Variants in ADAMTS20 observed in about 807,000 individuals in gnomAD.
The protein encoded by ADAMTS20 is ADAM metallopeptidase with thrombospondin type 1 motif 20.
A neutral mutation model predicts 260.1 loss-of-function variants in ADAMTS20; 225 were observed. The ratio of observed to expected loss-of-function variants is 0.87; its 90% CI spans 0.78 to 0.97. ADAMTS20 has a LOEUF of 0.97. Among genes scored for constraint, ADAMTS20 ranks in the 50% least tolerant of loss-of-function variants. ADAMTS20 has a pLI of 0.00. For synonymous variants in ADAMTS20, 802 were observed against 769.5 expected (o/e 1.04, Z -0.70); for missense variants, 2,400 against 2,337.7 (o/e 1.03, Z -0.55).
chr12:43,551,254 T>G lies in ADAMTS20; in HGVS notation c.108A>C (p.Thr36=). Residue 36 remains threonine, a synonymous_variant, in exon 2 of 39, where the codon ACA becomes ACC. Transcript: ENST00000389420. This position sits in a 1 kb window ranked among gnomAD's most constrained non-coding sequence, Gnocchi z 4.6. Reference sequence around the variant, plus strand: ...GGATCACTACTTCGTAGGAGGTCAGTGTCCTCACCAGGGCTTCTGCAACAA... The same window carrying G: ...GGATCACTACTTCGTAGGAGGTCAGGGTCCTCACCAGGGCTTCTGCAACAA... ...FHPRQEALVR[T]LTSYEVVIPE... is the part of the protein sequence containing the mutation. 1.2e-6 allele frequency: 2 copies of G among 1,613,108 alleles called. No individual in the cohort carries two copies. The highest frequency in any genetic ancestry group is 1.7e-6 in the Non-Finnish European group (2 of 1,179,334).
intron 27 of ADAMTS20, 25 bp from the exon 28 acceptor site, chr12:43,425,715 A>C: frequency 2.0e-6 from 3 of 1,520,748 alleles, no homozygotes; most frequent in Non-Finnish European, 2.7e-6. Context: ...AGGAAAATTC[A>C]AAACTGTGGT....
intron 7 of ADAMTS20, among the ~76,000 whole-genome samples, chr12:43,469,172 C>T (rs974513812): frequency 2.0e-5 from 3 of 151,958 alleles, no homozygotes; most frequent in Non-Finnish European, 4.4e-5. Flanking sequence ...ATTCAATTAT[C>T]ACATGACATG....
At chr12:43,409,494 T>C (rs1380022948) in intron 28 of ADAMTS20, among the ~76,000 whole-genome samples, 6 of 142,712 alleles carry the variant, frequency 4.2e-5, no homozygotes, top group Non-Finnish European at 9.1e-5. Flanking sequence ...CCCAGCTACT[T>C]GGGAGGCTGA....
At chr12:43,406,964 T>C (rs1404961005) in intron 28 of ADAMTS20, among the ~76,000 whole-genome samples, 1 of 152,024 alleles carries the variant, frequency 6.6e-6, no homozygotes, top group Non-Finnish European at 1.5e-5. Flanking sequence ...ACACATGTGC[T>C]CTAAGGAGTA....
chr12:43,527,369 A>C (rs78962842), intron 3 of ADAMTS20, among the ~76,000 whole-genome samples: 2 of 152,114 alleles, frequency 1.3e-5, no homozygotes, highest in East Asian at 3.9e-4. Flanking sequence ...TGATACCAAA[A>C]CCAGGAAATG....
intron 28 of ADAMTS20, among the ~76,000 whole-genome samples, chr12:43,419,683 G>C (rs4768042): frequency 0.32 from 47,787 of 151,696 alleles, 8,204 homozygotes; most frequent in East Asian, 0.75. Context: ...AGAGTTTTTA[G>C]GGTTATTTTA....
intron 28 of ADAMTS20, among the ~76,000 whole-genome samples, chr12:43,412,802 A>ATTTTT (rs139458463): frequency 1.4e-4 from 12 of 84,274 alleles, no homozygotes; most frequent in Non-Finnish European, 1.9e-4. Flanking sequence ...ATAGGAAATA[A>ATTTTT]TTTTTTTTTT....
At chr12:43,403,017 G>C (rs1037700000) in intron 28 of ADAMTS20, among the ~76,000 whole-genome samples, 3 of 151,864 alleles carry the variant, frequency 2.0e-5, no homozygotes, top group African/African-American at 7.3e-5. Flanking sequence ...GATAAAACAG[G>C]GCATTTGAAA....
downstream of ADAMTS20, among the ~76,000 whole-genome samples, chr12:43,353,326 A>T (rs1939673525): frequency 6.6e-6 from 1 of 152,018 alleles, no homozygotes; most frequent in Non-Finnish European, 1.5e-5. Flanking sequence ...CCAAAATAAG[A>T]TCTTCAAAAT....
intron 2 of ADAMTS20, among the ~76,000 whole-genome samples, chr12:43,542,698 A>C (rs542056207): frequency 1.3e-5 from 2 of 152,336 alleles, no homozygotes; most frequent in East Asian, 3.9e-4. Flanking sequence ...AATGCCTTTT[A>C]GGCTTTGGCA....
intron 18 of ADAMTS20, among the ~76,000 whole-genome samples, chr12:43,434,793 A>C (rs1460882269): frequency 1.3e-5 from 2 of 152,144 alleles, no homozygotes; most frequent in African/African-American, 4.8e-5. Flanking sequence ...TGTTATAGTA[A>C]CTTCCTGTAG....
chr12:43,541,875 A>C (rs1043094521), intron 2 of ADAMTS20, among the ~76,000 whole-genome samples: 3 of 152,226 alleles, frequency 2.0e-5, no homozygotes, highest in Admixed American at 6.5e-5. Flanking sequence ...AAAATGAAAC[A>C]ATAAAAGGGA....
In ADAMTS20 at chr12:43,464,737, A is replaced by C. The variant is rs1034334062; in HGVS notation, c.1368-5T>G. 12 of 1,605,866 alleles carry C rather than the reference A, an allele frequency of 7.5e-6. No homozygotes were observed. Among genetic ancestry groups the C allele is most frequent in the Non-Finnish European group, 7.6e-6 (9 of 1,176,654 alleles). ...AGACATTCCCCGTAACCAGTACTGT[A>C]ACAGTGACAGAAAATAAAATATTGT... On this transcript the variant is annotated splice_region_variant and splice_polypyrimidine_tract_variant and intron_variant, in intron 9 of 38. Coordinates refer to ENST00000389420, the MANE Select transcript of ADAMTS20 (RefSeq NM_025003.5).
At chr12:43,400,758 G>A (rs1271192856) in intron 28 of ADAMTS20, among the ~76,000 whole-genome samples, 3 of 151,712 alleles carry the variant, frequency 2.0e-5, no homozygotes, top group Admixed American at 6.6e-5. Context: ...ATATACCATG[G>A]AGTGTGCTGA....
At chr12:43,535,143 T>A (rs1943276761) in intron 2 of ADAMTS20, among the ~76,000 whole-genome samples, 1 of 152,150 alleles carries the variant, frequency 6.6e-6, no homozygotes, top group African/African-American at 2.4e-5. Flanking sequence ...TATGTTGCAT[T>A]TATATGTTTG....
At chr12:43,459,803 G>T (rs747787641) in intron 11 of ADAMTS20, among the ~76,000 whole-genome samples, 2 of 152,116 alleles carry the variant, frequency 1.3e-5, no homozygotes, top group African/African-American at 4.8e-5. Flanking sequence ...TACTATGTGC[G>T]TGTGCATTTT....
intron 37 of ADAMTS20, among the ~76,000 whole-genome samples, chr12:43,359,449 T>C (rs761103319): frequency 7.2e-5 from 11 of 152,244 alleles, no homozygotes; most frequent in Non-Finnish European, 1.5e-4. Context: ...ATAGATCTAA[T>C]ATAATACCAA....
intron 18 of ADAMTS20, among the ~76,000 whole-genome samples, chr12:43,439,314 C>G (rs1336417457): frequency 6.6e-6 from 1 of 151,892 alleles, no homozygotes; most frequent in Non-Finnish European, 1.5e-5. Flanking sequence ...CACCAGGAAG[C>G]AGGATATATA....
chr12:43,363,034 G>GA (rs898161969), intron 37 of ADAMTS20, among the ~76,000 whole-genome samples: 41 of 147,340 alleles, frequency 2.8e-4, no homozygotes, highest in Non-Finnish European at 5.1e-4. Context: ...GTGCTACCAA[G>GA]AAAAAAAAAA....
Sources: gnomAD v4.1 joint callset for allele counts (sites outside exome capture counted in the v4.1 genomes callset) on GRCh38, gnomAD v4.1.1 for gene constraint, Gnocchi (gnomAD v3.1) non-coding constraint, MANE v1.5 for transcripts, NCBI Gene and HGNC (gene_info 2026-07-23, HGNC 2026-07-21) for gene names.